The following CNTNAP2 variants were observed in gnomAD, a reference collection of about 807,000 sequenced individuals.
CNTNAP2 encodes contactin associated protein 2.
Under a neutral mutation model 155.2 loss-of-function variants are expected in CNTNAP2, and 98 were observed. The observed-to-expected ratio is 0.63, with a 90% CI of 0.54 to 0.75. CNTNAP2 has a LOEUF of 0.75. Among genes scored for constraint, CNTNAP2 ranks in the 30% least tolerant of loss-of-function variants. The pLI is 0.00. For synonymous variants in CNTNAP2, 651 were observed against 631.2 expected, an observed-to-expected ratio of 1.03 and a Z score of -0.47; for missense variants, 1,727 against 1,688.1, an observed-to-expected ratio of 1.02 and a Z score of -0.40.
At chr7:146,438,144 A>T (rs1031596925) in intron 1 of CNTNAP2, among the ~76,000 whole-genome samples, 1 of 151,498 alleles carries the variant, frequency 6.6e-6, no homozygotes, top group East Asian at 1.9e-4. Context: ...ACATATGTAT[A>T]TCTTACTAGC....
intron 1 of CNTNAP2, among the ~76,000 whole-genome samples, chr7:146,134,512 G>A (rs1364474017): frequency 6.6e-6 from 1 of 151,584 alleles, no homozygotes; most frequent in Non-Finnish European, 1.5e-5. Flanking sequence ...AATGCTTCCA[G>A]TTTTTACCCA....
At chr7:147,696,752 T>A (rs1796167260) in intron 13 of CNTNAP2, among the ~76,000 whole-genome samples, 1 of 152,156 alleles carries the variant, frequency 6.6e-6, no homozygotes, top group Non-Finnish European at 1.5e-5. Flanking sequence ...CCTTCACTTT[T>A]GAAGGATAGT....
chr7:147,311,335 A>G (rs1049929328), intron 9 of CNTNAP2, among the ~76,000 whole-genome samples: 5 of 152,208 alleles, frequency 3.3e-5, no homozygotes, highest in African/African-American at 9.6e-5. Flanking sequence ...GAGCTCTGAC[A>G]TTCAAGAATG....
intron 14 of CNTNAP2, among the ~76,000 whole-genome samples, chr7:147,948,712 G>C (rs1466052205): frequency 6.6e-6 from 1 of 150,726 alleles, no homozygotes; most frequent in Non-Finnish European, 1.5e-5. Context: ...GGACAATGCA[G>C]GGGTTAGGGC....
intron 10 of CNTNAP2, among the ~76,000 whole-genome samples, chr7:147,441,595 G>A (rs912495209): frequency 2.4e-4 from 36 of 152,112 alleles, no homozygotes; most frequent in African/African-American, 7.5e-4. Context: ...GTTTGTACCC[G>A]TCCTTCTTGG....
Position 147,967,262 on chromosome 7 carries a change from A to G in CNTNAP2, c.2256-10600A>G, listed in dbSNP as rs142024396. ...CAGTAAGGCAATTTTCCTATATGAT[A>G]AAAAGAATGGATTTTTATATCATTT... On this transcript the variant is annotated intron_variant, in intron 14 of 23. Coordinates refer to ENST00000361727, the MANE Select transcript of CNTNAP2 (RefSeq NM_014141.6). Among the ~76,000 whole-genome samples the G allele has an allele frequency of 4.8e-3, 737 of 152,344 alleles. 8 individuals carry two copies. The highest frequency in any genetic ancestry group is 0.017 in the African/African-American group (719 of 41,576).
intron 1 of CNTNAP2, among the ~76,000 whole-genome samples, chr7:146,768,938 A>G (rs542411440): frequency 6.6e-6 from 1 of 152,180 alleles, no homozygotes; most frequent in African/African-American, 2.4e-5. Context: ...TTAATCTTGT[A>G]AACTCCTGCC....
At chr7:147,828,675 G>A (rs114897144) in intron 13 of CNTNAP2, among the ~76,000 whole-genome samples, 402 of 152,276 alleles carry the variant, frequency 2.6e-3, no homozygotes, top group African/African-American at 9.0e-3. Flanking sequence ...ACACCACTCA[G>A]GGAAGCATCT....
rs756471457 is a variant in CNTNAP2, at chr7:148,118,227, C to A, written c.2493C>A (p.Thr831=). The A allele has an allele frequency of 1.9e-6, 3 of 1,614,144 alleles. No individual in the cohort carries two copies. The highest frequency in any genetic ancestry group is 2.5e-6 in the Non-Finnish European group (3 of 1,180,012). Reference sequence around the variant, plus strand: ...TTTCTTTCTACTTCAAAACATTAACCCCCTGGGGAGTGTTTCTTGAAAATA... The same window carrying A: ...TTTCTTTCTACTTCAAAACATTAACACCCTGGGGAGTGTTTCTTGAAAATA... ...ADISFYFKTL[T]PWGVFLENMG... is the part of the protein sequence containing the mutation. Residue 831 remains threonine, a synonymous_variant, in exon 16 of 24, where the codon ACC becomes ACA. Coordinates refer to ENST00000361727, the MANE Select transcript of CNTNAP2 (RefSeq NM_014141.6).
chr7:148,195,679 A>G (rs1265751325), intron 18 of CNTNAP2, among the ~76,000 whole-genome samples: 1 of 152,248 alleles, frequency 6.6e-6, no homozygotes, highest in African/African-American at 2.4e-5. Context: ...TTTGAAATAC[A>G]CAATGATAGG....
intron 13 of CNTNAP2, among the ~76,000 whole-genome samples, chr7:147,809,160 A>G (rs1045709378): frequency 6.6e-6 from 1 of 152,244 alleles, no homozygotes; most frequent in Non-Finnish European, 1.5e-5. Context: ...TAGATGAGGT[A>G]CAATGTGGCT....
chr7:146,590,224 A>G, intron 1 of CNTNAP2, among the ~76,000 whole-genome samples: 1 of 152,134 alleles, frequency 6.6e-6, no homozygotes, highest in Admixed American at 6.6e-5. Flanking sequence ...AATGCTTCCC[A>G]CTTTATGCAG....
intron 4 of CNTNAP2, among the ~76,000 whole-genome samples, chr7:147,089,316 CTGTT>C (rs1404995725): frequency 2.0e-5 from 3 of 152,158 alleles, no homozygotes; most frequent in African/African-American, 7.2e-5. Context: ...TTGCACTTCT[CTGTT>C]TGTCAATGTC....
rs763011387 is a variant in CNTNAP2, at chr7:148,356,439, G to A, written c.3476-27210G>A. Among the ~76,000 whole-genome samples, 55 of 152,308 alleles carry A rather than the reference G, an allele frequency of 3.6e-4. 1 individual carries two copies. The highest frequency in any genetic ancestry group is 2.1e-4 in the South Asian group (1 of 4,826). On this transcript the variant is annotated intron_variant, in intron 21 of 23. Transcript: ENST00000361727. ...GACAGTGTCAGCCACTGAGAGTGTCGTCGTCAAAACGAATAATAGATGTGG... is the reference window on the plus strand; with the variant it reads ...GACAGTGTCAGCCACTGAGAGTGTCATCGTCAAAACGAATAATAGATGTGG...
At chr7:146,664,449 C>G (rs1007283710) in intron 1 of CNTNAP2, among the ~76,000 whole-genome samples, 2 of 152,116 alleles carry the variant, frequency 1.3e-5, no homozygotes, top group African/African-American at 4.8e-5. Flanking sequence ...GCGTGACCCA[C>G]CATGCCCAGC....
rs749926530 is a variant in CNTNAP2 at position 148,267,077 on chromosome 7, C to T, written c.3426C>T (p.Ser1142=). The T allele has an allele frequency of 4.3e-6, 7 of 1,614,122 alleles. No individual in the cohort carries two copies. The highest frequency in any genetic ancestry group is 4.2e-6 in the Non-Finnish European group (5 of 1,180,022). The change falls in exon 21 of 24, where the codon TCC becomes TCT. Residue 1142 remains serine, a synonymous_variant. Transcript: ENST00000361727. The part of the protein sequence containing the change: ...PSVSYHLPSS[S]DTLFNSPKSL... ...TGAGTTACCATCTGCCAAGTTCATC[C>T]GACACCCTCTTCAATTCTCCCAAGT... is the stretch of plus-strand genomic sequence containing the variant.
rs138058250 is a variant in CNTNAP2 at position 146,845,438 on chromosome 7, T to C, written c.402+5534T>C. On this transcript the variant is annotated intron_variant, in intron 3 of 23. Transcript: ENST00000361727. ...ATCCTAATCTGAGAAGTAGATATAA[T>C]TCCTATTGGGATATTTAAGTGAGAT... Among the ~76,000 whole-genome samples the C allele has an allele frequency of 7.8e-3, 1,190 of 152,312 alleles. 7 individuals are homozygous for C. The highest frequency in any genetic ancestry group is 0.014 in the Non-Finnish European group (926 of 68,018).
At chr7:146,288,030 T>C (rs1023260356) in intron 1 of CNTNAP2, among the ~76,000 whole-genome samples, 3 of 152,164 alleles carry the variant, frequency 2.0e-5, no homozygotes, top group Admixed American at 6.5e-5. Context: ...AATTTGTGTT[T>C]TGGGCCAGGA....
intron 13 of CNTNAP2, among the ~76,000 whole-genome samples, chr7:147,901,186 A>G (rs1408806506): frequency 6.6e-6 from 1 of 152,020 alleles, no homozygotes; most frequent in Non-Finnish European, 1.5e-5. Context: ...TTCTACTACT[A>G]TTTTATTACT....
Sources: gnomAD v4.1 joint callset for allele counts (sites outside exome capture counted in the v4.1 genomes callset) on GRCh38, gnomAD v4.1.1 for gene constraint, MANE v1.5 for transcripts, NCBI Gene and HGNC (gene_info 2026-07-23, HGNC 2026-07-21) for gene names.